The following PRKD1 variants were observed in gnomAD, a reference collection of about 807,000 sequenced individuals.
The protein encoded by PRKD1 is protein kinase D1.
In PRKD1, 63 loss-of-function variants were observed where a neutral mutation model predicts 95.9. The ratio of observed to expected loss-of-function variants is 0.66; its 90% confidence interval spans 0.54 to 0.81. The LOEUF is 0.81. PRKD1 is among the 30% of genes least tolerant of loss of function. The pLI, the probability that PRKD1 is intolerant of heterozygous loss-of-function variation, is 0.00. For synonymous variants in PRKD1, 425 were observed against 423.1 expected, an observed-to-expected ratio of 1.00 and a Z score of -0.05; for missense variants, 1,048 against 1,165.3, an observed-to-expected ratio of 0.90 and a Z score of 1.47.
chr14:29,627,892 T>G (rs1256274662), intron 11 of PRKD1, among the ~76,000 whole-genome samples: 1 of 152,188 alleles, frequency 6.6e-6, no homozygotes, highest in African/African-American at 2.4e-5. Context: ...ATTATTCTGA[T>G]TTCAAGCTAC....
Position 29,688,635 on chromosome 14 carries a change from G to T in PRKD1, c.404-22427C>A, listed in dbSNP as rs972618457. ...TAAAATTAAGTCAAGATGGATTAAA[G>T]ACTTAAATTTAAAACCCGAGGCATG... On this transcript the variant is annotated intron_variant, in intron 2 of 17. Coordinates refer to ENST00000331968, the MANE Select transcript of PRKD1 (RefSeq NM_002742.3). Among the ~76,000 whole-genome samples, 11 of 152,118 alleles carry T rather than the reference G, an allele frequency of 7.2e-5. No individual in the cohort carries two copies. The South Asian group carries it at 2.1e-3, about 29-fold the overall frequency.
intron 13 of PRKD1, among the ~76,000 whole-genome samples, chr14:29,616,034 G>A (rs1253677089): frequency 6.6e-6 from 1 of 152,064 alleles, no homozygotes; most frequent in Non-Finnish European, 1.5e-5. Flanking sequence ...AATGGCCTAA[G>A]AGATGACAGG....
At chr14:29,880,709 G>C (rs1382404859) in intron 1 of PRKD1, among the ~76,000 whole-genome samples, 1 of 152,164 alleles carries the variant, frequency 6.6e-6, no homozygotes, top group Non-Finnish European at 1.5e-5. Context: ...CAGGAGAGAG[G>C]CTGTACCCTG....
intron 1 of PRKD1, among the ~76,000 whole-genome samples, chr14:29,922,300 C>CAAAAAAAAAAAAAAAAAAA (rs749652649): frequency 1.4e-5 from 1 of 73,818 alleles, no homozygotes; most frequent in Non-Finnish European, 2.9e-5. Context: ...GACTCCATCT[C>CAAAAAAAAAAAAAAAAAAA]AAAAAAAAAA....
chr14:29,888,808 T>A (rs1380366701), intron 1 of PRKD1, among the ~76,000 whole-genome samples: 1 of 152,226 alleles, frequency 6.6e-6, no homozygotes, highest in Non-Finnish European at 1.5e-5. Flanking sequence ...AGTTTCAAAG[T>A]CCTGAGCATT....
intron 1 of PRKD1, among the ~76,000 whole-genome samples, chr14:29,917,154 T>C (rs533782075): frequency 4.1e-4 from 62 of 152,330 alleles, no homozygotes; most frequent in African/African-American, 1.4e-3. Flanking sequence ...TCTCTGGAAC[T>C]TAATTCTAGC....
intron 1 of PRKD1, among the ~76,000 whole-genome samples, chr14:29,864,935 A>C (rs765276911): frequency 3.3e-5 from 5 of 152,190 alleles, no homozygotes; most frequent in Non-Finnish European, 5.9e-5. Context: ...TAATTGTATC[A>C]GGTTTTCCCC....
At chr14:29,686,457 G>A (rs1243421944) in intron 2 of PRKD1, among the ~76,000 whole-genome samples, 1 of 152,198 alleles carries the variant, frequency 6.6e-6, no homozygotes, top group Non-Finnish European at 1.5e-5. Flanking sequence ...CACTCAGGGT[G>A]CTCCAGGTAC....
intron 4 of PRKD1, among the ~76,000 whole-genome samples, chr14:29,659,005 A>T (rs1882045513): frequency 1.3e-5 from 2 of 152,188 alleles, no homozygotes. Context: ...ATTTTAAAAC[A>T]CTTTTACTGA....
At chr14:29,927,176 C>T in intron 1 of PRKD1, 73 bp downstream of exon 1, 1 of 1,337,544 alleles carries the variant, frequency 7.5e-7, no homozygotes, top group Non-Finnish European at 9.6e-7. Context: ...AAAGTTGGCG[C>T]GGAGAGGGCC....
intron 13 of PRKD1, among the ~76,000 whole-genome samples, chr14:29,621,280 C>T (rs1879242072): frequency 6.6e-6 from 1 of 151,768 alleles, no homozygotes; most frequent in South Asian, 2.1e-4. Context: ...CAGCATGGCA[C>T]ATGTATACAT....
chr14:29,830,907 A>T (rs192703293), intron 1 of PRKD1, among the ~76,000 whole-genome samples: 1 of 152,130 alleles, frequency 6.6e-6, no homozygotes, highest in East Asian at 1.9e-4. Flanking sequence ...CTGCTCTCAA[A>T]CTGCTGGGCT....
chr14:29,650,156 G>A (rs1452436605), intron 4 of PRKD1: 1 of 152,258 alleles, frequency 6.6e-6, no homozygotes, highest in African/African-American at 2.4e-5. Context: ...TCCTGTCTCT[G>A]TTGGGGTGTG....
Position 29,767,183 on chromosome 14 carries a change from G to A in PRKD1, c.265-41509C>T, listed in dbSNP as rs959463785. Among the ~76,000 whole-genome samples, 7 of 152,072 alleles carry A rather than the reference G, an allele frequency of 4.6e-5. No homozygotes were observed. The East Asian group carries it at 9.7e-4, about 21-fold the overall frequency. ...AAAACCTGTCCAGATTGTCTGCTCC[G>A]CTTGAACAATCTGCCCAGTTTCTGG... On this transcript the variant is annotated intron_variant, in intron 1 of 17. Coordinates refer to ENST00000331968, the MANE Select transcript of PRKD1 (RefSeq NM_002742.3).
chr14:29,866,853 T>C (rs532702061), intron 1 of PRKD1, among the ~76,000 whole-genome samples: 2 of 152,162 alleles, frequency 1.3e-5, no homozygotes, highest in Non-Finnish European at 2.9e-5. Flanking sequence ...CCGGATTTTG[T>C]TTTATAGACA....
At chr14:29,753,945 T>A (rs538961035) in intron 1 of PRKD1, among the ~76,000 whole-genome samples, 4 of 152,164 alleles carry the variant, frequency 2.6e-5, no homozygotes, top group African/African-American at 4.8e-5. Flanking sequence ...TTTGAGAACA[T>A]ACGTATGCAA....
chr14:29,815,705 T>C (rs1406968234), intron 1 of PRKD1, among the ~76,000 whole-genome samples: 4 of 152,210 alleles, frequency 2.6e-5, no homozygotes, highest in Admixed American at 2.0e-4. Flanking sequence ...AGTAGATGCA[T>C]AGTCCATGAA....
chr14:29,692,434 A>G (rs1156946509), intron 2 of PRKD1, among the ~76,000 whole-genome samples: 1 of 152,174 alleles, frequency 6.6e-6, no homozygotes, highest in Non-Finnish European at 1.5e-5. Flanking sequence ...CAACTTAAGC[A>G]CTGGGTTTTA....
chr14:29,665,582 A>G lies in PRKD1; in HGVS notation c.535+495T>C, dbSNP rs530717221. On this transcript the variant is annotated intron_variant, in intron 3 of 17. Transcript: ENST00000331968. ...ATTTTGTTCTTTTTCATGGCTGAGT[A>G]GTATTTCATGGTGTATATATATAAT... Among the ~76,000 whole-genome samples the G allele has an allele frequency of 1.3e-3, 202 of 152,288 alleles. 1 individual carries two copies. Among genetic ancestry groups the G allele is most frequent in the African/African-American group, 4.3e-3 (178 of 41,568 alleles).
Sources: allele counts gnomAD v4.1 joint callset (sites outside exome capture counted in the v4.1 genomes callset), GRCh38; gene constraint gnomAD v4.1.1; transcripts MANE v1.5; gene names NCBI Gene and HGNC (gene_info 2026-07-23, HGNC 2026-07-21).